The following ANK3 variants were observed in gnomAD, a reference collection of about 807,000 sequenced individuals.
The protein encoded by ANK3 is ankyrin-3.
A neutral mutation model predicts 370.9 loss-of-function variants in ANK3; 57 were observed. The ratio of observed to expected loss-of-function variants is 0.15; its 90% CI spans 0.12 to 0.19. ANK3 has a LOEUF of 0.19. Among genes scored for constraint, ANK3 ranks in the 10% least tolerant of loss-of-function variants. The pLI is 1.00. For synonymous variants in ANK3, 1,929 were observed against 1,946.3 expected (o/e 0.99, Z 0.23); for missense variants, 4,439 against 5,302.1 (o/e 0.84, Z 5.06).
Position 60,134,382 on chromosome 10 carries a change from T to A in ANK3, c.2739-9A>T, listed in dbSNP as rs1275370909. ...AACTGAAGGAGCGGAGGCTGTTGTA[T>A]TTACAGTTAACCATTCAACAGTGGT... On this transcript the variant is annotated splice_polypyrimidine_tract_variant and intron_variant, in intron 24 of 43. Coordinates refer to ENST00000280772, the MANE Select transcript of ANK3 (RefSeq NM_020987.5). 6.2e-7 allele frequency: 1 copy of A among 1,607,714 alleles called. No individual in the cohort carries two copies. Among genetic ancestry groups the A allele is most frequent in the Non-Finnish European group, 8.5e-7 (1 of 1,176,876 alleles).
In ANK3 at chr10:60,181,434, A is replaced by C. The variant is rs758195466; in HGVS notation, c.2086-7T>G. Reference sequence around the variant, plus strand: ...GGAGTGGGGTCAGGCCGCTCTGCAAAAGATTCAAAGGGCACAGTCATCGTA... The same window carrying C: ...GGAGTGGGGTCAGGCCGCTCTGCAACAGATTCAAAGGGCACAGTCATCGTA... On this transcript the variant is annotated splice_polypyrimidine_tract_variant and splice_region_variant and intron_variant, in intron 17 of 43. Transcript: ENST00000280772. 17 of 1,613,428 alleles carry C rather than the reference A, an allele frequency of 1.1e-5. No individual in the cohort carries two copies. Among genetic ancestry groups the C allele is most frequent in the Non-Finnish European group, 1.2e-5 (14 of 1,179,428 alleles).
intron 1 of ANK3, among the ~76,000 whole-genome samples, chr10:60,676,165 C>A (rs982625418): frequency 1.3e-5 from 2 of 152,058 alleles, no homozygotes; most frequent in African/African-American, 4.8e-5. Context: ...TATAACAAAG[C>A]AAAATAGTTG....
At chr10:60,333,581 G>A (rs899915346) in intron 1 of ANK3, among the ~76,000 whole-genome samples, 4 of 152,134 alleles carry the variant, frequency 2.6e-5, no homozygotes, top group Admixed American at 6.5e-5. Context: ...CCAAGTCTTT[G>A]TTATTGTGAA....
intron 1 of ANK3, among the ~76,000 whole-genome samples, chr10:60,338,434 G>A (rs1273324028): frequency 6.6e-6 from 1 of 152,176 alleles, no homozygotes; most frequent in African/African-American, 2.4e-5. Context: ...CCCAGGTGAT[G>A]CTGATGCTGC....
intron 2 of ANK3, among the ~76,000 whole-genome samples, chr10:60,410,461 T>C (rs1258973629): frequency 1.3e-5 from 2 of 152,178 alleles, no homozygotes; most frequent in East Asian, 3.9e-4. Flanking sequence ...TAAATATTTG[T>C]TGGAAGGATG....
chr10:60,637,070 C>A (rs969888884), intron 1 of ANK3, among the ~76,000 whole-genome samples: 1 of 152,174 alleles, frequency 6.6e-6, no homozygotes, highest in Admixed American at 6.5e-5. Flanking sequence ...AGTGCCTATG[C>A]CATGTTGTTT....
intron 2 of ANK3, among the ~76,000 whole-genome samples, chr10:60,461,892 G>C (rs2064893410): frequency 6.6e-6 from 1 of 152,104 alleles, no homozygotes; most frequent in African/African-American, 2.4e-5. Flanking sequence ...ATACCTCCCT[G>C]CCACAAGACG....
At chr10:60,057,697 G>A (rs900947996) in intron 41 of ANK3, among the ~76,000 whole-genome samples, 2 of 152,170 alleles carry the variant, frequency 1.3e-5, no homozygotes, top group African/African-American at 4.8e-5. Context: ...ATTCACTAGT[G>A]TTTTTTCTAT....
intron 2 of ANK3, among the ~76,000 whole-genome samples, chr10:60,475,875 A>G (rs2075050805): frequency 6.6e-6 from 1 of 152,164 alleles, no homozygotes; most frequent in Non-Finnish European, 1.5e-5. Context: ...CCAAAGACAC[A>G]CACCATGCTG....
At chr10:60,575,888 GCATT>G (rs1383248065) in intron 2 of ANK3, among the ~76,000 whole-genome samples, 2 of 152,028 alleles carry the variant, frequency 1.3e-5, no homozygotes, top group Non-Finnish European at 2.9e-5. Context: ...CTAGAAATAC[GCATT>G]CAAAGAAATA....
chr10:60,606,213 T>C (rs1448896160), intron 2 of ANK3, among the ~76,000 whole-genome samples: 1 of 152,136 alleles, frequency 6.6e-6, no homozygotes, highest in Admixed American at 6.6e-5. Context: ...TTTCTTAGTT[T>C]TTCGATGCTG....
At chr10:60,590,234 G>C (rs909855545) in intron 2 of ANK3, among the ~76,000 whole-genome samples, 1 of 152,170 alleles carries the variant, frequency 6.6e-6, no homozygotes, top group African/African-American at 2.4e-5. Flanking sequence ...GAAATGTGTT[G>C]AGTGTGAATA....
At chr10:60,521,808 CA>C (rs2076354236) in intron 2 of ANK3, among the ~76,000 whole-genome samples, 1 of 152,098 alleles carries the variant, frequency 6.6e-6, no homozygotes, top group African/African-American at 2.4e-5. Context: ...CCCAAAAAAG[CA>C]ATGACAAAAT....
chr10:60,314,548 C>A (rs970118381), intron 1 of ANK3, among the ~76,000 whole-genome samples: 1 of 152,126 alleles, frequency 6.6e-6, no homozygotes, highest in Non-Finnish European at 1.5e-5. Context: ...ATGAGTAGTA[C>A]ATGACTCATC....
intron 23 of ANK3, among the ~76,000 whole-genome samples, chr10:60,148,857 G>A (rs902966800): frequency 3.3e-5 from 5 of 152,216 alleles, no homozygotes; most frequent in African/African-American, 1.2e-4. Context: ...CAAGGTGGCA[G>A]TATCATGACA....
At chr10:60,477,975 T>C (rs1358257965) in intron 2 of ANK3, among the ~76,000 whole-genome samples, 2 of 152,074 alleles carry the variant, frequency 1.3e-5, no homozygotes, top group African/African-American at 4.8e-5. Flanking sequence ...ACTTAAAATA[T>C]ATAATTGACA....
chr10:60,130,153 T>C (rs1324816941), intron 25 of ANK3, among the ~76,000 whole-genome samples: 2 of 152,162 alleles, frequency 1.3e-5, no homozygotes, highest in Non-Finnish European at 2.9e-5. Flanking sequence ...GGGAATTAAG[T>C]GGATTAGGAC....
chr10:60,269,243 A>C (rs773593222), intron 5 of ANK3, among the ~76,000 whole-genome samples: 1 of 152,252 alleles, frequency 6.6e-6, no homozygotes, highest in Non-Finnish European at 1.5e-5. Context: ...ACATTACCTA[A>C]GACAGTGCCA....
intron 1 of ANK3, among the ~76,000 whole-genome samples, chr10:60,667,976 G>C (rs2079019279): frequency 6.9e-6 from 1 of 144,914 alleles, no homozygotes; most frequent in South Asian, 2.3e-4. Flanking sequence ...CCCTCAGCTT[G>C]GATACAGTAA....
Sources: allele counts gnomAD v4.1 joint callset (sites outside exome capture counted in the v4.1 genomes callset), GRCh38; gene constraint gnomAD v4.1.1; transcripts MANE v1.5; gene names NCBI Gene and HGNC (gene_info 2026-07-23, HGNC 2026-07-21).